Variants in ARL15 observed in about 807,000 individuals in gnomAD.
ARL15 encodes ADP-ribosylation factor-like protein 15.
Under a neutral mutation model 25.2 loss-of-function variants are expected in ARL15, and 19 were observed. That is an observed-to-expected ratio of 0.75 (90% CI 0.53 to 1.10). ARL15 has a LOEUF of 1.10. Among genes scored for constraint, ARL15 ranks in the 50% least tolerant of loss-of-function variants. The pLI is 0.00. For synonymous variants in ARL15, 94 were observed against 86.8 expected (o/e 1.08, Z -0.46); for missense variants, 220 against 246.0 (o/e 0.89, Z 0.71).
chr5:54,243,933 C>G (rs148553717), intron 1 of ARL15, among the ~76,000 whole-genome samples: 3 of 152,256 alleles, frequency 2.0e-5, no homozygotes, highest in African/African-American at 7.2e-5. Flanking sequence ...TAAAGAAGCT[C>G]AAAGTTAGGA....
At chr5:54,106,070 G>A (rs1053774932) in intron 4 of ARL15, among the ~76,000 whole-genome samples, 1 of 152,100 alleles carries the variant, frequency 6.6e-6, no homozygotes, top group Non-Finnish European at 1.5e-5. Context: ...AGGGATTTTG[G>A]AAAGAGAATA....
chr5:54,032,916 A>C (rs1386389093), intron 4 of ARL15, among the ~76,000 whole-genome samples: 2 of 152,000 alleles, frequency 1.3e-5, no homozygotes, highest in African/African-American at 4.8e-5. Context: ...AATGTTGGTT[A>C]ATGTTTTACT....
At chr5:53,940,163 C>T (rs1024730274) in intron 4 of ARL15, among the ~76,000 whole-genome samples, 5 of 151,932 alleles carry the variant, frequency 3.3e-5, no homozygotes, top group Non-Finnish European at 7.4e-5. Flanking sequence ...TTAGTAGAGA[C>T]GGGGTTTCAC....
intron 4 of ARL15, among the ~76,000 whole-genome samples, chr5:53,932,769 G>A (rs1746231089): frequency 6.6e-6 from 1 of 152,202 alleles, no homozygotes; most frequent in Non-Finnish European, 1.5e-5. Context: ...GCAAGTGGCT[G>A]GCAATAGCAA....
chr5:54,221,825 G>GCA (rs3035310), intron 1 of ARL15, among the ~76,000 whole-genome samples: 11,722 of 141,980 alleles, frequency 0.083, 519 homozygotes, highest in Non-Finnish European at 0.1. Context: ...CAAGAAACAT[G>GCA]CACACACACA....
chr5:54,080,852 T>A (rs555929895), intron 4 of ARL15, among the ~76,000 whole-genome samples: 2 of 152,152 alleles, frequency 1.3e-5, no homozygotes. Flanking sequence ...AAATTTCAAG[T>A]CTATAAGCAT....
intron 1 of ARL15, among the ~76,000 whole-genome samples, chr5:54,303,660 A>G (rs1185724992): frequency 6.7e-6 from 1 of 149,080 alleles, no homozygotes; most frequent in Admixed American, 6.7e-5. Context: ...CCTGTCAAAA[A>G]AAAAAAAAAA....
At chr5:53,917,427 A>G (rs964294376) in intron 4 of ARL15, among the ~76,000 whole-genome samples, 1 of 152,152 alleles carries the variant, frequency 6.6e-6, no homozygotes, top group African/African-American at 2.4e-5. Context: ...AGAAGCTCAA[A>G]TTGAGAATGT....
chr5:54,222,505 G>T (rs1372609647), intron 1 of ARL15, among the ~76,000 whole-genome samples: 1 of 152,206 alleles, frequency 6.6e-6, no homozygotes, highest in Non-Finnish European at 1.5e-5. Context: ...TTCTCGTCTA[G>T]GTTAACACTG....
At chr5:53,987,317 GGGGGT>G (rs1306374746) in intron 4 of ARL15, among the ~76,000 whole-genome samples, 1 of 151,982 alleles carries the variant, frequency 6.6e-6, no homozygotes, top group Non-Finnish European at 1.5e-5. Flanking sequence ...CCATCTGGCC[GGGGGT>G]GGGGTGGGGA....
At chr5:53,942,382 C>A (rs977829363) in intron 4 of ARL15, among the ~76,000 whole-genome samples, 1 of 152,060 alleles carries the variant, frequency 6.6e-6, no homozygotes, top group African/African-American at 2.4e-5. Flanking sequence ...ATCTAGAAAT[C>A]GGTTGAGAGC....
At chr5:54,180,711 G>A (rs1021445507) in intron 1 of ARL15, among the ~76,000 whole-genome samples, 13 of 152,202 alleles carry the variant, frequency 8.5e-5, no homozygotes, top group African/African-American at 2.9e-4. Flanking sequence ...CACTAAATCT[G>A]TCTTTGCCTT....
chr5:54,189,998 G>A (rs1005291410), intron 1 of ARL15, among the ~76,000 whole-genome samples: 3 of 152,114 alleles, frequency 2.0e-5, no homozygotes, highest in Non-Finnish European at 4.4e-5. Flanking sequence ...AATGGACAAA[G>A]AATTTGAAAA....
At chr5:54,055,442 C>A (rs1202785504) in intron 4 of ARL15, among the ~76,000 whole-genome samples, 1 of 148,372 alleles carries the variant, frequency 6.7e-6, no homozygotes, top group African/African-American at 2.5e-5. Context: ...CTCACTGCAA[C>A]CTCCATCTCC....
chr5:53,893,449 T>TA (rs2111906701), intron 4 of ARL15, among the ~76,000 whole-genome samples: 1 of 151,992 alleles, frequency 6.6e-6, no homozygotes, highest in Non-Finnish European at 1.5e-5. Context: ...TACTAAAAGA[T>TA]ACAAAAAAAT....
chr5:54,263,826 C>T (rs1197120277), intron 1 of ARL15, among the ~76,000 whole-genome samples: 1 of 152,068 alleles, frequency 6.6e-6, no homozygotes, highest in Non-Finnish European at 1.5e-5. Flanking sequence ...CAACATGGCA[C>T]CTCCAACTCA....
At chr5:53,942,356 T>C (rs752772862) in intron 4 of ARL15, among the ~76,000 whole-genome samples, 1 of 152,140 alleles carries the variant, frequency 6.6e-6, no homozygotes, top group Non-Finnish European at 1.5e-5. Context: ...CTAGAAGCTG[T>C]GGAAGCACAG....
chr5:53,993,821 C>A (rs561887304), intron 4 of ARL15, among the ~76,000 whole-genome samples: 1 of 144,678 alleles, frequency 6.9e-6, no homozygotes, highest in African/African-American at 2.5e-5. Flanking sequence ...CTCCTCAGGA[C>A]CAAGGCAGTC....
At chr5:53,991,104 A>G (rs373116881) in intron 4 of ARL15, among the ~76,000 whole-genome samples, 104 of 152,310 alleles carry the variant, frequency 6.8e-4, no homozygotes, top group African/African-American at 2.4e-3. Flanking sequence ...ACTGAATTGA[A>G]TGTACTGGAA....
Sources: allele counts gnomAD v4.1 joint callset (sites outside exome capture counted in the v4.1 genomes callset), GRCh38; gene constraint gnomAD v4.1.1; transcripts MANE v1.5; gene names NCBI Gene and HGNC (gene_info 2026-07-23, HGNC 2026-07-21).